The following TNFAIP6 variants were observed in gnomAD, a reference collection of about 807,000 sequenced individuals.
The protein encoded by TNFAIP6 is tumor necrosis factor-inducible gene 6 protein.
A neutral mutation model predicts 33.7 loss-of-function variants in TNFAIP6; 36 were observed. That is an observed-to-expected ratio of 1.07 (90% CI 0.82 to 1.41). TNFAIP6 has a LOEUF of 1.41. Among genes scored for constraint, TNFAIP6 ranks in the 40% most tolerant of loss-of-function variants. TNFAIP6 has a pLI of 0.00. For synonymous variants in TNFAIP6, 113 were observed against 112.8 expected, an observed-to-expected ratio of 1.00 and a Z score of -0.01; for missense variants, 273 against 331.9, an observed-to-expected ratio of 0.82 and a Z score of 1.38.
At chr2:151,359,768 G>A (rs1213644936) in intron 1 of TNFAIP6, among the ~76,000 whole-genome samples, 3 of 152,228 alleles carry the variant, frequency 2.0e-5, no homozygotes, top group South Asian at 2.1e-4. Flanking sequence ...GCCGCAAGTT[G>A]GACAAGTTTA....
Position 151,379,602 on chromosome 2 carries a change from A to T in TNFAIP6, c.*69A>T, listed in dbSNP as rs1403683046. 9.4e-7 allele frequency: 1 copy of T among 1,068,364 alleles called. No individual in the cohort carries two copies. The highest frequency in any genetic ancestry group is 1.3e-6 in the Non-Finnish European group (1 of 788,484). The allele number at this position is 1,068,364 out of a possible 1,614,324, so 66.2% of individuals were successfully genotyped here. A position where few individuals can be genotyped will look rare whatever the true frequency, so the allele number is the denominator to read the frequency against. On this transcript the variant is annotated 3_prime_UTR_variant, in exon 6 of 6. Transcript: ENST00000243347. ...AATCTTTTGGAACTCCTTTGATCTCACTGTTATTATTAACATTTATTTATT... is the reference window on the plus strand; with the variant it reads ...AATCTTTTGGAACTCCTTTGATCTCTCTGTTATTATTAACATTTATTTATT...
chr2:151,365,951 C>T, intron 2 of TNFAIP6, 105 bp from the exon 3 acceptor site: 2 of 1,061,762 alleles, frequency 1.9e-6, no homozygotes, highest in Non-Finnish European at 2.8e-6. Flanking sequence ...CTGGATTTGA[C>T]CAGTTAAGAA....
chr2:151,370,858 G>A (rs765267300), intron 4 of TNFAIP6, among the ~76,000 whole-genome samples: 1 of 152,166 alleles, frequency 6.6e-6, no homozygotes, highest in African/African-American at 2.4e-5. Flanking sequence ...ATTACCTGAG[G>A]TCAGGAGTTC....
intron 1 of TNFAIP6, among the ~76,000 whole-genome samples, chr2:151,362,473 C>T (rs1403744836): frequency 9.0e-6 from 1 of 111,554 alleles, no homozygotes; most frequent in Non-Finnish European, 1.9e-5. Context: ...ATTTGTCTTA[C>T]TAAATTCTTT....
At chr2:151,375,578 C>G (rs1684892793) in intron 5 of TNFAIP6, among the ~76,000 whole-genome samples, 3 of 151,978 alleles carry the variant, frequency 2.0e-5, no homozygotes, top group Admixed American at 2.0e-4. Flanking sequence ...TGCAGTGGCA[C>G]ACGCCTGTAG....
At chr2:151,363,655 G>A (rs1363164770) in intron 1 of TNFAIP6, among the ~76,000 whole-genome samples, 1 of 152,046 alleles carries the variant, frequency 6.6e-6, no homozygotes, top group Non-Finnish European at 1.5e-5. Context: ...GAGAGACTCC[G>A]TCTCAAAAAA....
intron 1 of TNFAIP6, among the ~76,000 whole-genome samples, chr2:151,362,023 C>T (rs1310151823): frequency 6.6e-6 from 1 of 152,146 alleles, no homozygotes; most frequent in African/African-American, 2.4e-5. Flanking sequence ...TCTAATTCTC[C>T]TGGATTCATT....
At chr2:151,361,610 A>G (rs1455050492) in intron 1 of TNFAIP6, among the ~76,000 whole-genome samples, 1 of 152,176 alleles carries the variant, frequency 6.6e-6, no homozygotes, top group Non-Finnish European at 1.5e-5. Context: ...GTCTCTACCA[A>G]AAGCTTTAGT....
chr2:151,370,162 T>A lies in TNFAIP6; in HGVS notation c.537T>A (p.Asp179Glu), dbSNP rs1156453547. Reference sequence around the variant, plus strand: ...AGCGTATTCACCTGAGTTTTTTAGATTTTGACCTTGAAGATGACCCAGGTT... The same window carrying A: ...AGCGTATTCACCTGAGTTTTTTAGAATTTGACCTTGAAGATGACCCAGGTT... ...YGQRIHLSFL[D>E]FDLEDDPGCL... The change falls in exon 4 of 6, where the codon GAT (aspartate) becomes GAA (glutamate). Residue 179 changes from aspartate to glutamate, a missense_variant. Coordinates refer to ENST00000243347, the MANE Select transcript of TNFAIP6 (RefSeq NM_007115.4). 6.2e-7 allele frequency: 1 copy of A among 1,614,146 alleles called. No individual in the cohort carries two copies. The highest frequency in any genetic ancestry group is 1.3e-5 in the African/African-American group (1 of 75,046).
At chr2:151,362,367 G>A (rs764474286) in intron 1 of TNFAIP6, among the ~76,000 whole-genome samples, 5 of 151,596 alleles carry the variant, frequency 3.3e-5, no homozygotes, top group Non-Finnish European at 5.9e-5. Flanking sequence ...TGGTAGTTAG[G>A]TGTGTCCAGT....
At chr2:151,374,378 C>T (rs1684867672) in intron 5 of TNFAIP6, among the ~76,000 whole-genome samples, 1 of 152,152 alleles carries the variant, frequency 6.6e-6, no homozygotes. Flanking sequence ...TCCTTTCTTA[C>T]ATGTATTCAG....
intron 3 of TNFAIP6, among the ~76,000 whole-genome samples, chr2:151,369,138 C>T (rs962851763): frequency 4.6e-5 from 7 of 151,972 alleles, no homozygotes; most frequent in African/African-American, 1.2e-4. Flanking sequence ...TACAGTGAGC[C>T]GAGATTGTGC....
intron 3 of TNFAIP6, among the ~76,000 whole-genome samples, chr2:151,369,498 G>C (rs1287833807): frequency 6.6e-6 from 1 of 151,854 alleles, no homozygotes; most frequent in Non-Finnish European, 1.5e-5. Context: ...TCATGGCTGG[G>C]CACAGTGGCT....
chr2:151,369,728 T>C (rs535032186), intron 3 of TNFAIP6, among the ~76,000 whole-genome samples: 64 of 152,294 alleles, frequency 4.2e-4, no homozygotes, highest in African/African-American at 1.5e-3. Flanking sequence ...TAAGCTATGA[T>C]TGGGTCACCG....
chr2:151,364,052 C>G lies in TNFAIP6; in HGVS notation c.204C>G (p.Tyr68Ter). ...CEFEGGHLAT[Y>*]KQLEAARKIG... ...TTGAAGGCGGCCATCTCGCAACTTA[C>G]AAGCAGCTAGAGGCAGCCAGAAAAA... The change falls in exon 2 of 6, where the codon TAC becomes TAG. Residue 68 changes from tyrosine to a stop codon, truncating the protein, a stop_gained. Transcript: ENST00000243347. LOFTEE classifies it high-confidence loss of function. The G allele has an allele frequency of 6.2e-7, 1 of 1,614,088 alleles. No individual in the cohort carries two copies. The highest frequency in any genetic ancestry group is 8.5e-7 in the Non-Finnish European group (1 of 1,179,982).
At chr2:151,364,253 A>G (rs986101394) in intron 2 of TNFAIP6, among the ~76,000 whole-genome samples, 173 bp downstream of exon 2, 2 of 152,220 alleles carry the variant, frequency 1.3e-5, no homozygotes, top group African/African-American at 4.8e-5. Flanking sequence ...GTTGGCAGAC[A>G]GTTCCTAGTA....
At chr2:151,366,338 T>C in intron 3 of TNFAIP6, 121 bp downstream of exon 3, 1 of 825,714 alleles carries the variant, frequency 1.2e-6, no homozygotes, top group Non-Finnish European at 1.9e-6. Flanking sequence ...TAACTACTAC[T>C]AATAACTACA....
intron 1 of TNFAIP6, among the ~76,000 whole-genome samples, chr2:151,361,854 G>C (rs1684629183): frequency 6.6e-6 from 1 of 152,196 alleles, no homozygotes; most frequent in African/African-American, 2.4e-5. Context: ...CTCTGACCTC[G>C]AGCATCAGAT....
At chr2:151,358,909 AC>A (rs1482000039) in intron 1 of TNFAIP6, among the ~76,000 whole-genome samples, 9 of 152,242 alleles carry the variant, frequency 5.9e-5, no homozygotes, top group Non-Finnish European at 1.2e-4. Flanking sequence ...TATAGGAAAT[AC>A]ACTCATATTT....
Sources: gnomAD v4.1 joint callset for allele counts (sites outside exome capture counted in the v4.1 genomes callset) on GRCh38, gnomAD v4.1.1 for gene constraint, MANE v1.5 for transcripts, NCBI Gene and HGNC (gene_info 2026-07-23, HGNC 2026-07-21) for gene names.